The following TMEM68 variants were observed in gnomAD, a reference collection of about 807,000 sequenced individuals.
TMEM68 encodes the protein DGAT1/2-independent enzyme synthesizing storage lipids.
Under a neutral mutation model 36.9 loss-of-function variants are expected in TMEM68, and 25 were observed. The ratio of observed to expected loss-of-function variants is 0.68; its 90% confidence interval spans 0.49 to 0.95. TMEM68 has a LOEUF of 0.95. Ranked by LOEUF, TMEM68 falls within the 40% of genes least tolerant of loss-of-function variation. The pLI is 0.00. For synonymous variants in TMEM68, 131 were observed against 124.4 expected (o/e 1.05, Z -0.35); for missense variants, 333 against 392.0 (o/e 0.85, Z 1.27).
chr8:55,759,809 A>C (rs1810727832), intron 3 of TMEM68, among the ~76,000 whole-genome samples: 1 of 152,212 alleles, frequency 6.6e-6, no homozygotes, highest in African/African-American at 2.4e-5. Flanking sequence ...GATTTTGTAC[A>C]ATCTTATTAC....
At position 55,739,486 on chromosome 8, in the gene TMEM68, T is replaced by C. The variant is rs1369925049; in HGVS notation, c.*646A>G. ...TTTCATTGTGCTTGGCAACTGGACA[T>C]GACATAATTTAAACACACAATGGAG... On this transcript the variant is annotated 3_prime_UTR_variant, in exon 8 of 8. Coordinates refer to ENST00000434581, the MANE Select transcript of TMEM68 (RefSeq NM_001286657.2). 1.3e-5 allele frequency: 1 copy of C among 77,784 alleles called. No individual in the cohort carries two copies. Among genetic ancestry groups the C allele is most frequent in the African/African-American group, 5.4e-5 (1 of 18,506 alleles). The allele number at this position is 77,784 out of a possible 1,614,324, so 4.8% of individuals were successfully genotyped here.
chr8:55,755,999 C>A (rs185948846), intron 4 of TMEM68, among the ~76,000 whole-genome samples: 1 of 151,658 alleles, frequency 6.6e-6, no homozygotes, highest in Non-Finnish European at 1.5e-5. Context: ...TAAAAATAAA[C>A]AATTTTAAAA....
chr8:55,753,647 C>CTT, intron 4 of TMEM68, among the ~76,000 whole-genome samples: 1 of 152,290 alleles, frequency 6.6e-6, no homozygotes, highest in Non-Finnish European at 1.5e-5. Flanking sequence ...TCAGCTTTTG[C>CTT]TTTTATACCA....
chr8:55,756,369 G>A lies in TMEM68; in HGVS notation c.368C>T (p.Pro123Leu). ...HGMEKIPEDG[P>L]ALIIFYHGAI... ...TCCATGATAAAAAATTATAAGTGCT[G>A]GTCCATCTTCTGGTATTTTTTCCAT... Residue 123 changes from proline to leucine, a missense_variant, in exon 4 of 8, where the codon CCA becomes CTA. Transcript: ENST00000434581. 1 of 1,592,780 alleles carries A rather than the reference G, an allele frequency of 6.3e-7. No individual in the cohort carries two copies.
chr8:55,740,156 A>G lies in TMEM68; in HGVS notation c.951T>C (p.Ser317=). ...ATCAATGAAAACGTTCTAACAAAGC[A>G]CTCATAATGTTTCCTGGTATTCTTT... ...KHQRIPGNIM[S]ALLERFH Residue 317 remains serine, a synonymous_variant, in exon 8 of 8, where the codon AGT becomes AGC. Transcript: ENST00000434581. 6.2e-7 allele frequency: 1 copy of G among 1,613,334 alleles called. No individual in the cohort carries two copies. Among genetic ancestry groups the G allele is most frequent in the African/African-American group, 1.3e-5 (1 of 75,024 alleles).
intron 5 of TMEM68, chr8:55,747,864 T>C (rs1290523077): frequency 1.3e-5 from 2 of 152,266 alleles, no homozygotes; most frequent in Non-Finnish European, 2.9e-5. Context: ...TTTCAGCTCA[T>C]GCATATACCA....
intron 5 of TMEM68, among the ~76,000 whole-genome samples, chr8:55,748,876 C>A (rs1301521888): frequency 6.6e-6 from 1 of 152,170 alleles, no homozygotes; most frequent in South Asian, 2.1e-4. Flanking sequence ...CAGGCATGAA[C>A]CCACATGTCC....
At chr8:55,750,016 A>G (rs6474014) in intron 5 of TMEM68, among the ~76,000 whole-genome samples, 128,507 of 152,094 alleles carry the variant, frequency 0.84, 54,617 homozygotes, top group East Asian at 0.99. Flanking sequence ...TTGGAATCCC[A>G]TGGCATATTT....
chr8:55,771,491 C>A (rs1193160816), intron 1 of TMEM68, among the ~76,000 whole-genome samples: 2 of 151,864 alleles, frequency 1.3e-5, no homozygotes, highest in Non-Finnish European at 2.9e-5. Flanking sequence ...TGGTGGCATG[C>A]CTGTAGCCCC....
chr8:55,753,390 GTAAAA>G (rs887870169), intron 4 of TMEM68, among the ~76,000 whole-genome samples: 8 of 151,938 alleles, frequency 5.3e-5, no homozygotes, highest in African/African-American at 1.9e-4. Flanking sequence ...AAAAAATGAA[GTAAAA>G]TAAATCAAAA....
chr8:55,762,253 T>C (rs1810817228), intron 3 of TMEM68: 4 of 211,956 alleles, frequency 1.9e-5, no homozygotes, highest in Non-Finnish European at 2.8e-5. Context: ...TATTTCATTT[T>C]TTTAAATCCA....
At chr8:55,748,330 A>G (rs1264211100) in intron 5 of TMEM68, among the ~76,000 whole-genome samples, 1 of 152,004 alleles carries the variant, frequency 6.6e-6, no homozygotes, top group Non-Finnish European at 1.5e-5. Context: ...ACCACACCCG[A>G]CTAACTTTTT....
At chr8:55,770,284 T>G (rs1811113930) in intron 1 of TMEM68, among the ~76,000 whole-genome samples, 2 of 152,214 alleles carry the variant, frequency 1.3e-5, no homozygotes, top group Non-Finnish European at 2.9e-5. Context: ...ATATTAAGAT[T>G]GCAATTTCTG....
intron 5 of TMEM68, 117 bp downstream of exon 5, chr8:55,750,847 A>G: frequency 9.8e-7 from 1 of 1,022,864 alleles, no homozygotes; most frequent in Non-Finnish European, 1.4e-6. Context: ...CTACATACTA[A>G]TTTTTAAGGT....
At chr8:55,746,799 T>C (rs1300289832) in intron 5 of TMEM68, 2 of 152,240 alleles carry the variant, frequency 1.3e-5, no homozygotes, top group Admixed American at 6.5e-5. Context: ...AATCATTTGT[T>C]ATATCTCTCC....
At chr8:55,772,053 C>T (rs1811189789) in intron 1 of TMEM68, among the ~76,000 whole-genome samples, 1 of 152,082 alleles carries the variant, frequency 6.6e-6, no homozygotes, top group Admixed American at 6.6e-5. Context: ...TTATCGTAAC[C>T]CAGCTACTCA....
At chr8:55,765,910 T>A (rs1810948621) in intron 1 of TMEM68, among the ~76,000 whole-genome samples, 1 of 152,198 alleles carries the variant, frequency 6.6e-6, no homozygotes, top group Non-Finnish European at 1.5e-5. Context: ...TATAAAGACC[T>A]ATTTAGCACC....
chr8:55,750,156 A>T, intron 5 of TMEM68, among the ~76,000 whole-genome samples: 1 of 152,268 alleles, frequency 6.6e-6, no homozygotes, highest in Non-Finnish European at 1.5e-5. Flanking sequence ...TTTCATATAC[A>T]TTATATTGAT....
rs562479094 is a variant in TMEM68, at chr8:55,769,484, T to C, written c.-115+3785A>G. Among the ~76,000 whole-genome samples, 3 of 152,232 alleles carry C rather than the reference T, an allele frequency of 2.0e-5. No individual in the cohort carries two copies. In the South Asian group the frequency reaches 6.2e-4, roughly 32 times the overall value. ...GGACAGGATACAATGTACAAGTGGA[T>C]GGCCCTGAGAAGTTTGTGCCAGATA... On this transcript the variant is annotated intron_variant, in intron 1 of 7. Coordinates refer to ENST00000434581, the MANE Select transcript of TMEM68 (RefSeq NM_001286657.2).
Sources: allele counts gnomAD v4.1 joint callset (sites outside exome capture counted in the v4.1 genomes callset), GRCh38; gene constraint gnomAD v4.1.1; transcripts MANE v1.5; gene names NCBI Gene and HGNC (gene_info 2026-07-23, HGNC 2026-07-21).